Variants in TOP2B observed in about 807,000 individuals in gnomAD.
TOP2B encodes DNA topoisomerase II beta.
A neutral mutation model predicts 193.5 loss-of-function variants in TOP2B; 51 were observed. That is an observed-to-expected ratio of 0.26 (90% CI 0.21 to 0.33). The LOEUF is 0.33. Among genes scored for constraint, TOP2B ranks in the 10% least tolerant of loss-of-function variants. The probability of loss-of-function intolerance (pLI) is 1.00; values close to 1 mark genes in which losing one functional copy is unlikely to be tolerated. For missense variants in TOP2B, 1,378 were observed against 1,909.3 expected, an observed-to-expected ratio of 0.72 and a Z score of 5.19; for synonymous variants, 634 against 635.7, an observed-to-expected ratio of 1.00 and a Z score of 0.04.
intron 28 of TOP2B, among the ~76,000 whole-genome samples, chr3:25,611,949 T>A (rs553715696): frequency 1.3e-5 from 2 of 152,138 alleles, no homozygotes; most frequent in East Asian, 3.9e-4. Context: ...TTTATTTATT[T>A]ATTTTTTTTT....
intron 4 of TOP2B, among the ~76,000 whole-genome samples, chr3:25,641,062 G>A (rs1427233559): frequency 8.5e-5 from 13 of 152,228 alleles, no homozygotes; most frequent in Non-Finnish European, 1.6e-4. Flanking sequence ...GAATACAGGC[G>A]TGAGCTGCCG....
chr3:25,620,670 A>T lies in TOP2B; in HGVS notation c.2862+12T>A, dbSNP rs1171682772. On this transcript the variant is annotated intron_variant, in intron 22 of 35. Transcript: ENST00000264331. ...TGCCCTTCCCTCAGGCAGATCACAT[A>T]TTTACACTGACCTGTGTCCAAGTTC... 3 of 1,610,258 alleles carry T rather than the reference A, an allele frequency of 1.9e-6. No individual in the cohort carries two copies.
At chr3:25,611,758 C>T (rs1308587330) in intron 28 of TOP2B, among the ~76,000 whole-genome samples, 1 of 151,926 alleles carries the variant, frequency 6.6e-6, no homozygotes, top group African/African-American at 2.4e-5. Flanking sequence ...TAAGGACAAA[C>T]ACAAGTAAAT....
At position 25,618,674 on chromosome 3, in the gene TOP2B, A is replaced by G; in HGVS notation, c.3239T>C (p.Ile1080Thr). The G allele has an allele frequency of 6.2e-7, 1 of 1,610,730 alleles. No individual in the cohort carries two copies. The highest frequency in any genetic ancestry group is 8.5e-7 in the Non-Finnish European group (1 of 1,178,836). Residue 1080 changes from isoleucine (I) to threonine (T), a missense_variant, in exon 24 of 36, where the codon ATA (isoleucine) becomes ACA (threonine). Physicochemically the swap from Ile to Thr is moderately conservative, Grantham distance 89 (BLOSUM62 -1). This residue lies in a region of TOP2B where 379 missense variants were observed against 615.1 expected (regional missense o/e 0.62). Coordinates refer to ENST00000264331, the MANE Select transcript of TOP2B (RefSeq NM_001330700.2). The stretch of plus-strand genomic sequence containing the variant: ...CTTACCTATAGTAATTTTCCCTTGT[A>G]TCTTCTCTAAAATGAAACGGGCTTG... ...NNQARFILEKIQGKITIENRS... is the reference protein window; with the variant it reads ...NNQARFILEKTQGKITIENRS...
intron 6 of TOP2B, among the ~76,000 whole-genome samples, 194 bp downstream of exon 6, chr3:25,637,021 T>C (rs1703123085): frequency 6.6e-6 from 1 of 151,960 alleles, no homozygotes; most frequent in South Asian, 2.1e-4. Context: ...AAAGGAATGA[T>C]AGAGGAATAG....
At chr3:25,661,255 T>C (rs1470545152) in intron 1 of TOP2B, among the ~76,000 whole-genome samples, 2 of 152,206 alleles carry the variant, frequency 1.3e-5, no homozygotes, top group Non-Finnish European at 2.9e-5. Flanking sequence ...TGCCTTGGCC[T>C]CCCAAAGTTC....
At chr3:25,654,391 T>C (rs1307536059) in intron 1 of TOP2B, among the ~76,000 whole-genome samples, 1 of 152,026 alleles carries the variant, frequency 6.6e-6, no homozygotes, top group African/African-American at 2.4e-5. Context: ...GAGGTGAGAA[T>C]AATGTCAAAA....
chr3:25,663,507 A>G (rs1703980917), intron 1 of TOP2B, among the ~76,000 whole-genome samples: 1 of 152,160 alleles, frequency 6.6e-6, no homozygotes, highest in Non-Finnish European at 1.5e-5. Context: ...CCCAGCAAGA[A>G]CTGAGCGTCG....
chr3:25,664,213 G>C lies in TOP2B; in HGVS notation c.69+16C>G. 6.5e-7 allele frequency: 1 copy of C among 1,539,370 alleles called. No homozygotes were observed. Among genetic ancestry groups the C allele is most frequent in the Non-Finnish European group, 8.7e-7 (1 of 1,146,166 alleles). Reference sequence around the variant, plus strand: ...CGGAACAATGCAGCCGCCCGTCCCGGGGACCAGCCACTTACCACCCAGGTC... The same window carrying C: ...CGGAACAATGCAGCCGCCCGTCCCGCGGACCAGCCACTTACCACCCAGGTC... On this transcript the variant is annotated intron_variant, in intron 1 of 35. Coordinates refer to ENST00000264331, the MANE Select transcript of TOP2B (RefSeq NM_001330700.2).
intron 1 of TOP2B, among the ~76,000 whole-genome samples, chr3:25,649,609 G>GAA (rs200542692): frequency 0.055 from 7,243 of 132,700 alleles, 382 homozygotes; most frequent in African/African-American, 0.14. Context: ...AGTACTGAAA[G>GAA]AAAAAAAAAA....
intron 1 of TOP2B, among the ~76,000 whole-genome samples, chr3:25,658,070 A>AAAAAAAAAAAAACAAAAAAAC (rs1209427514): frequency 2.7e-5 from 2 of 74,612 alleles, no homozygotes; most frequent in African/African-American, 1.5e-4. Context: ...CAAAAAAAAA[A>AAAAAAAAAAAAACAAAAAAAC]AAAAAAAATT....
chr3:25,645,618 G>A, intron 1 of TOP2B, 148 bp from the exon 2 acceptor site: 1 of 632,986 alleles, frequency 1.6e-6, no homozygotes, highest in Non-Finnish European at 2.5e-6. Context: ...TCTATTTACT[G>A]ACCGTCTGGC....
intron 1 of TOP2B, among the ~76,000 whole-genome samples, chr3:25,649,253 ACTAT>A (rs1703510515): frequency 6.6e-6 from 1 of 152,186 alleles, no homozygotes; most frequent in Non-Finnish European, 1.5e-5. Flanking sequence ...CTTATGGGCC[ACTAT>A]CTATCAGAAC....
Position 25,598,383 on chromosome 3 carries a change from C to T in TOP2B, c.4805G>A (p.Arg1602Gln), listed in dbSNP as rs1449475384. ...AAAATATTTTACTTCTTTCCTAGCC[C>T]GACCGGTTCGTGGCAGAGAAGGTGG... ...TEPPSLPRTGRARKEVKYFAE... is the reference protein window; with the variant it reads ...TEPPSLPRTGQARKEVKYFAE... The change falls in exon 36 of 36, where the codon CGG (arginine) becomes CAG (glutamine). Residue 1602 changes from arginine to glutamine, a missense_variant. Around this residue, in one of 9 missense-constraint regions of TOP2B, gnomAD observed 556 missense variants for 584.2 expected, o/e 0.95. Coordinates refer to ENST00000264331, the MANE Select transcript of TOP2B (RefSeq NM_001330700.2). 4.3e-6 allele frequency: 7 copies of T among 1,613,352 alleles called. No individual in the cohort carries two copies. The highest frequency in any genetic ancestry group is 1.3e-5 in the African/African-American group (1 of 74,906).
At chr3:25,602,750 AC>A (rs1280300919) in intron 33 of TOP2B, among the ~76,000 whole-genome samples, 2 of 152,200 alleles carry the variant, frequency 1.3e-5, no homozygotes, top group Non-Finnish European at 2.9e-5. Flanking sequence ...GCTTGGAGTT[AC>A]ATGGCACTTT....
chr3:25,622,941 A>AT (rs753517814), intron 21 of TOP2B, among the ~76,000 whole-genome samples: 1 of 151,728 alleles, frequency 6.6e-6, no homozygotes, highest in East Asian at 2.0e-4. Context: ...GCAACACCTA[A>AT]TTTTTTTTGT....
chr3:25,624,858 T>A (rs1575572208), intron 18 of TOP2B, 55 bp from the exon 19 acceptor site: 1 of 1,540,818 alleles, frequency 6.5e-7, no homozygotes, highest in East Asian at 2.3e-5. Flanking sequence ...TTGTAACAAT[T>A]CAGGGGAATA....
Position 25,606,099 on chromosome 3 carries a change from C to T in TOP2B, c.4322G>A (p.Ser1441Asn). The T allele has an allele frequency of 6.6e-7, 1 of 1,504,054 alleles. No homozygotes were observed. Among genetic ancestry groups the T allele is most frequent in the Non-Finnish European group, 9.0e-7 (1 of 1,116,714 alleles). 93.2% of individuals were successfully genotyped at this position (1,504,054 alleles called of 1,614,324 possible). A position where few individuals can be genotyped will look rare whatever the true frequency, so the allele number is the denominator to read the frequency against. ...TGAGAAGAGATTTCCAAAATCCTGA[C>T]TTTTTTTGTCATGCAAAGATTTTCT... ...TPEKSLHDKK[S>N]QDFGNLFSFP... Residue 1441 changes from serine (S) to asparagine (N), a missense_variant, in exon 32 of 36, where the codon AGT (serine) becomes AAT (asparagine). Ser to Asn is a conservative substitution (Grantham distance 46). Transcript: ENST00000264331.
chr3:25,657,591 G>A (rs1703781033), intron 1 of TOP2B, among the ~76,000 whole-genome samples: 1 of 152,162 alleles, frequency 6.6e-6, no homozygotes, highest in African/African-American at 2.4e-5. Context: ...ATAAAAGAGA[G>A]TGATGTATAT....
Sources: gnomAD v4.1 joint callset for allele counts (sites outside exome capture counted in the v4.1 genomes callset) on GRCh38, gnomAD v4.1.1 for gene constraint, gnomAD v4.1.1 regional missense constraint, MANE v1.5 for transcripts, NCBI Gene and HGNC (gene_info 2026-07-23, HGNC 2026-07-21) for gene names.